The following LRP1B variants were observed in gnomAD, a reference collection of about 807,000 sequenced individuals.
The protein encoded by LRP1B is LDL receptor related protein 1B, also known as low-density lipoprotein receptor-related protein 1B.
In LRP1B, 217 loss-of-function variants were observed where a neutral mutation model predicts 556.6. The ratio of observed to expected loss-of-function variants is 0.39; its 90% CI spans 0.35 to 0.44. The LOEUF (loss-of-function observed/expected upper bound fraction) is 0.44, where lower values mean the gene tolerates loss of function less well. Among genes scored for constraint, LRP1B ranks in the 20% least tolerant of loss-of-function variants. LRP1B has a pLI of 1.00. For missense variants in LRP1B, 5,053 were observed against 5,620.8 expected (o/e 0.90, Z 3.23); for synonymous variants, 2,047 against 1,865.8 (o/e 1.10, Z -2.50).
At chr2:141,001,811 T>G (rs540775436) in intron 15 of LRP1B, among the ~76,000 whole-genome samples, 1 of 152,148 alleles carries the variant, frequency 6.6e-6, no homozygotes, top group Non-Finnish European at 1.5e-5. Flanking sequence ...CATGTGCATG[T>G]ACTTTTCATC....
intron 85 of LRP1B, among the ~76,000 whole-genome samples, chr2:140,272,262 C>CACACACAT (rs1048717524): frequency 1.8e-5 from 1 of 54,586 alleles, no homozygotes; most frequent in Admixed American, 1.5e-4. Context: ...CACACAAACA[C>CACACACAT]ACACACACAC....
chr2:141,528,794 G>A lies in LRP1B; in HGVS notation c.206-48261C>T, dbSNP rs188915248. 1.9e-4 allele frequency among the ~76,000 whole-genome samples: 29 copies of A among 152,144 alleles called. 1 individual carries two copies. In the East Asian group the frequency reaches 5.4e-3, roughly 28 times the overall value. On this transcript the variant is annotated intron_variant, in intron 2 of 90. Transcript: ENST00000389484. ...CTGCTGAAGCTAGAACAAGACTCAC[G>A]ACTCAGTTTTATAAGAAAAACTCAA...
At chr2:141,909,524 ACATTTTTTTTTTTTT>A (rs1699849227) in intron 1 of LRP1B, among the ~76,000 whole-genome samples, 4 of 104,486 alleles carry the variant, frequency 3.8e-5, no homozygotes, top group South Asian at 3.1e-4. Context: ...AAGGTCTCAG[ACATTTTTTTTTTTTT>A]TTTTTTTTTT....
chr2:141,490,901 C>T (rs921441591), intron 2 of LRP1B, among the ~76,000 whole-genome samples: 1 of 149,928 alleles, frequency 6.7e-6, no homozygotes, highest in Non-Finnish European at 1.5e-5. Flanking sequence ...CCTTCGTCCC[C>T]CTCCCTCCAC....
At chr2:141,103,272 A>G (rs911496569) in intron 7 of LRP1B, among the ~76,000 whole-genome samples, 1 of 152,144 alleles carries the variant, frequency 6.6e-6, no homozygotes, top group African/African-American at 2.4e-5. Context: ...CATTCTTAAA[A>G]ATAAATAAAT....
intron 3 of LRP1B, among the ~76,000 whole-genome samples, chr2:141,293,878 G>C (rs550721468): frequency 6.6e-6 from 1 of 152,002 alleles, no homozygotes; most frequent in African/African-American, 2.4e-5. Context: ...TCAAAACCAA[G>C]TATTAACGTT....
chr2:142,068,499 T>C (rs1344659112), intron 1 of LRP1B, among the ~76,000 whole-genome samples: 1 of 151,562 alleles, frequency 6.6e-6, no homozygotes, highest in African/African-American at 2.4e-5. Flanking sequence ...CTGGGTTATA[T>C]AGATAGTGAT....
chr2:141,442,381 C>T (rs988945456), intron 3 of LRP1B, among the ~76,000 whole-genome samples: 1 of 149,176 alleles, frequency 6.7e-6, no homozygotes, highest in African/African-American at 2.5e-5. Flanking sequence ...GGACAATATA[C>T]TACTGTTTTC....
At position 140,373,084 on chromosome 2, in the gene LRP1B, C is replaced by A. The variant is rs1259134115; in HGVS notation, c.10692G>T (p.Gln3564His). Reference sequence around the variant, plus strand: ...CACATTTCCATTTTGCTGGTATACACTGACCATTGGAACACCGGAACTGAT... The same window carrying A: ...CACATTTCCATTTTGCTGGTATACAATGACCATTGGAACACCGGAACTGAT... ...SKDQFRCSNG[Q>H]CIPAKWKCDG... The change falls in exon 69 of 91, where the codon CAG becomes CAT. Residue 3564 changes from glutamine (Q) to histidine (H), a missense_variant. By Grantham distance (24) the Gln-to-His change is conservative. Transcript: ENST00000389484. The A allele has an allele frequency of 6.2e-7, 1 of 1,613,398 alleles. No homozygotes were observed. The highest frequency in any genetic ancestry group is 8.5e-7 in the Non-Finnish European group (1 of 1,179,588).
chr2:141,529,083 G>A (rs1684787641), intron 2 of LRP1B, among the ~76,000 whole-genome samples: 1 of 152,190 alleles, frequency 6.6e-6, no homozygotes, highest in African/African-American at 2.4e-5. Context: ...CCTGAAACAT[G>A]TTTGGCAACA....
chr2:140,851,815 A>C (rs763156816), intron 27 of LRP1B, 32 bp from the exon 28 acceptor site: 7 of 1,570,550 alleles, frequency 4.5e-6, no homozygotes. Context: ...TGAACAGTGA[A>C]GAAGGAAGAA....
At chr2:141,041,379 C>T (rs1048128684) in intron 11 of LRP1B, among the ~76,000 whole-genome samples, 1 of 152,198 alleles carries the variant, frequency 6.6e-6, no homozygotes, top group South Asian at 2.1e-4. Context: ...TAGGTGCAAG[C>T]AGAGCTGATC....
chr2:141,310,799 T>C (rs990705292), intron 3 of LRP1B, among the ~76,000 whole-genome samples: 7 of 152,210 alleles, frequency 4.6e-5, no homozygotes, highest in African/African-American at 1.2e-4. Flanking sequence ...ATGCCCATGA[T>C]TGTGTAAAAG....
At chr2:140,640,972 G>A (rs971104068) in intron 41 of LRP1B, among the ~76,000 whole-genome samples, 12 of 152,102 alleles carry the variant, frequency 7.9e-5, no homozygotes, top group East Asian at 3.9e-4. Context: ...ACATGTGTCC[G>A]ATGTTACTTC....
chr2:141,688,627 C>T (rs1039888889), intron 2 of LRP1B, among the ~76,000 whole-genome samples: 11 of 151,764 alleles, frequency 7.2e-5, no homozygotes, highest in African/African-American at 9.7e-5. Flanking sequence ...ATATGATTTA[C>T]GGAAAGTCAA....
intron 23 of LRP1B, 59 bp downstream of exon 23, chr2:140,902,861 A>G: frequency 6.4e-7 from 1 of 1,558,790 alleles, no homozygotes; most frequent in Non-Finnish European, 8.7e-7. Context: ...CAGTTTTGGG[A>G]TTTGTTTCTT....
chr2:140,628,119 C>T (rs529962688), intron 41 of LRP1B, among the ~76,000 whole-genome samples: 7 of 152,260 alleles, frequency 4.6e-5, no homozygotes, highest in Admixed American at 1.3e-4. Flanking sequence ...AGATGAAATG[C>T]GGTGCCTTCA....
chr2:140,986,711 A>G (rs1429364), intron 17 of LRP1B, among the ~76,000 whole-genome samples: 149,910 of 152,262 alleles, frequency 0.98, 73,843 homozygotes, highest in Middle Eastern at 1. Context: ...GCATTAGAAT[A>G]GCCTGCTTAT....
At chr2:140,397,635 G>A (rs534018348) in intron 66 of LRP1B, among the ~76,000 whole-genome samples, 2 of 151,884 alleles carry the variant, frequency 1.3e-5, no homozygotes, top group African/African-American at 4.8e-5. Context: ...TATTTTTCTA[G>A]GTTATTAAAA....
Sources: gnomAD v4.1 joint callset for allele counts (sites outside exome capture counted in the v4.1 genomes callset) on GRCh38, gnomAD v4.1.1 for gene constraint, MANE v1.5 for transcripts, NCBI Gene and HGNC (gene_info 2026-07-23, HGNC 2026-07-21) for gene names.